DLGAP1: variants seen among roughly 807,000 people sequenced by gnomAD.
DLGAP1 encodes disks large-associated protein 1.
Under a neutral mutation model 90.8 loss-of-function variants are expected in DLGAP1, and 11 were observed. That is an observed-to-expected ratio of 0.12 (90% CI 0.08 to 0.20). The LOEUF is 0.20. Among genes scored for constraint, DLGAP1 ranks in the 10% least tolerant of loss-of-function variants. DLGAP1 has a pLI of 1.00. For synonymous variants in DLGAP1, 558 were observed against 540.7 expected (o/e 1.03, Z -0.44); for missense variants, 1,050 against 1,333.8 (o/e 0.79, Z 3.31).
intron 7 of DLGAP1, among the ~76,000 whole-genome samples, chr18:3,688,614 G>GACACACAC (rs60415611): frequency 7.9e-5 from 8 of 100,732 alleles, no homozygotes; most frequent in African/African-American, 3.5e-4. Flanking sequence ...ATTAAAAAAA[G>GACACACAC]ACACACACAC....
At chr18:3,948,076 T>C (rs988981607) in intron 3 of DLGAP1, among the ~76,000 whole-genome samples, 2 of 152,120 alleles carry the variant, frequency 1.3e-5, no homozygotes, top group Non-Finnish European at 2.9e-5. Context: ...TACACTCCCA[T>C]ACATCCAATC....
intron 1 of DLGAP1, among the ~76,000 whole-genome samples, chr18:4,207,065 G>A (rs1298739439): frequency 1.3e-5 from 2 of 152,150 alleles, no homozygotes; most frequent in African/African-American, 4.8e-5. Context: ...CTGAGGTGGA[G>A]GAAAGACCAC....
chr18:4,377,838 T>C (rs186911087), intron 1 of DLGAP1, among the ~76,000 whole-genome samples: 197 of 152,024 alleles, frequency 1.3e-3, no homozygotes, highest in Non-Finnish European at 2.3e-3. Flanking sequence ...TAATAAAGAG[T>C]ATGTACCTTT....
chr18:4,185,445 A>G (rs2077276433), intron 1 of DLGAP1, among the ~76,000 whole-genome samples: 1 of 151,772 alleles, frequency 6.6e-6, no homozygotes, highest in African/African-American at 2.4e-5. Context: ...AGTGTCTTTC[A>G]TTCGCCTCTG....
At chr18:4,161,814 G>C (rs1017114465) in intron 1 of DLGAP1, among the ~76,000 whole-genome samples, 1 of 152,130 alleles carries the variant, frequency 6.6e-6, no homozygotes, top group African/African-American at 2.4e-5. Context: ...TACCTTTAAA[G>C]GTTGATGGAA....
At chr18:3,646,971 G>A (rs552507661) in intron 7 of DLGAP1, among the ~76,000 whole-genome samples, 12 of 151,690 alleles carry the variant, frequency 7.9e-5, no homozygotes, top group East Asian at 5.9e-4. Context: ...TAACATCACC[G>A]GGTGCGGTGG....
At chr18:3,942,519 G>A (rs1294437651) in intron 3 of DLGAP1, among the ~76,000 whole-genome samples, 1 of 152,182 alleles carries the variant, frequency 6.6e-6, no homozygotes, top group Non-Finnish European at 1.5e-5. Context: ...TTCTAGGAAG[G>A]ATCAACAAAG....
At chr18:3,926,940 A>C (rs2072405294) in intron 3 of DLGAP1, among the ~76,000 whole-genome samples, 1 of 152,204 alleles carries the variant, frequency 6.6e-6, no homozygotes, top group Non-Finnish European at 1.5e-5. Context: ...TGATGGGGAC[A>C]TATCAAAATG....
chr18:4,275,546 G>C (rs146968268), intron 1 of DLGAP1, among the ~76,000 whole-genome samples: 1 of 151,066 alleles, frequency 6.6e-6, no homozygotes, highest in African/African-American at 2.4e-5. Flanking sequence ...TATATGTTTT[G>C]GTCCTTCTCC....
chr18:4,216,081 T>C (rs2077947869), intron 1 of DLGAP1, among the ~76,000 whole-genome samples: 1 of 152,148 alleles, frequency 6.6e-6, no homozygotes, highest in Non-Finnish European at 1.5e-5. Flanking sequence ...GAAAGAGGTT[T>C]AATTGACTAA....
At chr18:4,272,671 A>G (rs2079310762) in intron 1 of DLGAP1, among the ~76,000 whole-genome samples, 1 of 152,196 alleles carries the variant, frequency 6.6e-6, no homozygotes, top group South Asian at 2.1e-4. Context: ...CAACATATAT[A>G]AAAGGATTTC....
At chr18:3,994,734 T>C (rs1329600221) in intron 3 of DLGAP1, among the ~76,000 whole-genome samples, 2 of 152,208 alleles carry the variant, frequency 1.3e-5, no homozygotes, top group African/African-American at 2.4e-5. Context: ...CAGAACCACC[T>C]GCTGCTAAAT....
chr18:4,186,627 T>C (rs1234653371), intron 1 of DLGAP1, among the ~76,000 whole-genome samples: 8 of 152,156 alleles, frequency 5.3e-5, no homozygotes. Flanking sequence ...TCTATTCCAT[T>C]GGTCTATGTG....
intron 1 of DLGAP1, among the ~76,000 whole-genome samples, chr18:4,437,028 A>G (rs534135917): frequency 1.1e-4 from 16 of 152,354 alleles, no homozygotes; most frequent in African/African-American, 3.6e-4. Context: ...TTCTCCATCC[A>G]TGCTGCCAGG....
chr18:4,439,006 T>C (rs1354354294), intron 1 of DLGAP1, among the ~76,000 whole-genome samples: 1 of 152,228 alleles, frequency 6.6e-6, no homozygotes, highest in Non-Finnish European at 1.5e-5. Flanking sequence ...AGGAACTTTG[T>C]GCAAACTGGC....
intron 1 of DLGAP1, among the ~76,000 whole-genome samples, chr18:4,211,579 AG>A (rs2077843005): frequency 6.6e-6 from 1 of 152,128 alleles, no homozygotes; most frequent in South Asian, 2.1e-4. Flanking sequence ...GGAATATCCT[AG>A]GGACTCTCCA....
chr18:4,342,613 A>T lies in DLGAP1; in HGVS notation c.-267+112393T>A, dbSNP rs2081215990. Among the ~76,000 whole-genome samples, 2 of 152,186 alleles carry T rather than the reference A, an allele frequency of 1.3e-5. No homozygotes were observed. The highest frequency in any genetic ancestry group is 2.4e-5 in the African/African-American group (1 of 41,456). ...AGAATCTGGCTTAGGCTGAGATTAC[A>T]CAAAGAGGGAAATTAGCTCTATTGA... is the stretch of plus-strand genomic sequence containing the variant. On this transcript the variant is annotated intron_variant, in intron 1 of 12. Transcript: ENST00000315677. The surrounding 1 kb of genome is among the most constrained non-coding windows in gnomAD (Gnocchi z 5.8).
chr18:3,738,664 T>A (rs1285873642), intron 6 of DLGAP1, among the ~76,000 whole-genome samples: 1 of 151,400 alleles, frequency 6.6e-6, no homozygotes, highest in Non-Finnish European at 1.5e-5. Flanking sequence ...CCTAAAACCA[T>A]AAAAACCCTA....
intron 2 of DLGAP1, among the ~76,000 whole-genome samples, chr18:4,021,224 G>A (rs183463057): frequency 6.6e-6 from 1 of 152,228 alleles, no homozygotes; most frequent in South Asian, 2.1e-4. Flanking sequence ...TTGATAAATC[G>A]GCTCTGTCTA....
Sources: allele counts gnomAD v4.1 joint callset (sites outside exome capture counted in the v4.1 genomes callset), GRCh38; gene constraint gnomAD v4.1.1; non-coding constraint Gnocchi (gnomAD v3.1); transcripts MANE v1.5; gene names NCBI Gene and HGNC (gene_info 2026-07-23, HGNC 2026-07-21).